AFF3: variants seen among roughly 807,000 people sequenced by gnomAD.
AFF3 encodes the protein ALF transcription elongation factor 3.
Under a neutral mutation model 129.7 loss-of-function variants are expected in AFF3, and 32 were observed. The ratio of observed to expected loss-of-function variants is 0.25; its 90% CI spans 0.19 to 0.33. The LOEUF (loss-of-function observed/expected upper bound fraction) is 0.33, where lower values mean the gene tolerates loss of function less well. Ranked by LOEUF, AFF3 falls within the 10% of genes least tolerant of loss-of-function variation. The pLI, the probability that AFF3 is intolerant of heterozygous loss-of-function variation, is 1.00. For synonymous variants in AFF3, 644 were observed against 635.4 expected (o/e 1.01, Z -0.20); for missense variants, 1,373 against 1,592.0 (o/e 0.86, Z 2.34).
chr2:99,851,522 T>G (rs957358411), intron 7 of AFF3, among the ~76,000 whole-genome samples: 4 of 152,230 alleles, frequency 2.6e-5, no homozygotes, highest in African/African-American at 9.6e-5. Context: ...TGTTTGAGGC[T>G]TCTCATGGGC....
chr2:100,055,462 T>TAAAAA (rs55713850), intron 4 of AFF3, among the ~76,000 whole-genome samples: 2 of 128,494 alleles, frequency 1.6e-5, no homozygotes, highest in Non-Finnish European at 1.6e-5. Flanking sequence ...CTAGAAATCT[T>TAAAAA]AAAAAAAAAA....
rs186639287 is a variant in AFF3, at chr2:99,992,552, G to A, written c.873+14080C>T. Reference sequence around the variant, plus strand: ...ATTATCGAACCAGAATAAGATAATAGGGAGCCTTTCTGTCTTTATCAAAAA... The same window carrying A: ...ATTATCGAACCAGAATAAGATAATAAGGAGCCTTTCTGTCTTTATCAAAAA... On this transcript the variant is annotated intron_variant, in intron 7 of 24. Transcript: ENST00000672756. Among the ~76,000 whole-genome samples the A allele has an allele frequency of 1.9e-3, 292 of 152,298 alleles. 4 individuals carry two copies. Among genetic ancestry groups the A allele is most frequent in the African/African-American group, 6.8e-3 (282 of 41,570 alleles).
chr2:99,690,275 G>C (rs1439818604), intron 11 of AFF3, among the ~76,000 whole-genome samples: 3 of 149,732 alleles, frequency 2.0e-5, no homozygotes, highest in Non-Finnish European at 4.4e-5. Context: ...CCGCCTCCCG[G>C]GTTCACGCCA....
chr2:99,644,747 C>T (rs909866660), intron 13 of AFF3, among the ~76,000 whole-genome samples: 3 of 152,208 alleles, frequency 2.0e-5, no homozygotes, highest in Admixed American at 6.5e-5. Context: ...GGAAGTTAAT[C>T]GTATTCAAGG....
At chr2:99,759,678 C>A (rs1250898847) in intron 8 of AFF3, among the ~76,000 whole-genome samples, 1 of 152,134 alleles carries the variant, frequency 6.6e-6, no homozygotes, top group Non-Finnish European at 1.5e-5. Flanking sequence ...TTTCCAAAAC[C>A]TAAGAATTAT....
At chr2:100,079,903 T>C (rs1181477684) in intron 4 of AFF3, among the ~76,000 whole-genome samples, 1 of 152,204 alleles carries the variant, frequency 6.6e-6, no homozygotes, top group Non-Finnish European at 1.5e-5. Context: ...GTTCCTCAAG[T>C]GCCTGGCCAT....
chr2:100,038,816 G>A (rs912856297), intron 4 of AFF3, among the ~76,000 whole-genome samples: 10 of 151,460 alleles, frequency 6.6e-5, no homozygotes, highest in Non-Finnish European at 8.8e-5. Flanking sequence ...CTCCGCCACC[G>A]GGTTCAAGCG....
chr2:99,733,923 T>A (rs187669094), intron 10 of AFF3, among the ~76,000 whole-genome samples: 3 of 152,340 alleles, frequency 2.0e-5, no homozygotes. Context: ...TGATCTATTG[T>A]ATAAATTTGA....
intron 7 of AFF3, among the ~76,000 whole-genome samples, chr2:99,973,480 C>G (rs754002428): frequency 2.6e-5 from 4 of 152,162 alleles, no homozygotes; most frequent in Non-Finnish European, 4.4e-5. Context: ...CCCATAGATT[C>G]AGATTACCCC....
At chr2:99,996,558 T>A (rs1559042211) in intron 7 of AFF3, among the ~76,000 whole-genome samples, 3 of 148,156 alleles carry the variant, frequency 2.0e-5, no homozygotes, top group Non-Finnish European at 4.5e-5. Context: ...TTTTTTGTAT[T>A]TTTAGTAGAG....
At chr2:99,597,640 T>C (rs2105030681) in intron 14 of AFF3, among the ~76,000 whole-genome samples, 2 of 152,346 alleles carry the variant, frequency 1.3e-5, no homozygotes, top group African/African-American at 4.8e-5. Context: ...TTATCTGCCA[T>C]TCTGGAAATG....
At chr2:99,707,669 TTGGTATTTAGA>T in intron 11 of AFF3, 2 of 985,048 alleles carry the variant, frequency 2.0e-6, no homozygotes, top group South Asian at 9.4e-5. Flanking sequence ...TGGAAGAGCT[TTGGTATTTAGA>T]TGTTAATAGG....
chr2:99,563,101 G>A (rs1383917942), intron 20 of AFF3, among the ~76,000 whole-genome samples: 2 of 152,088 alleles, frequency 1.3e-5, no homozygotes, highest in Non-Finnish European at 2.9e-5. Context: ...AGAACCCCTT[G>A]CCAGCGCTCC....
At chr2:99,837,592 G>A in intron 7 of AFF3, 68 bp from the exon 8 acceptor site, 1 of 1,456,416 alleles carries the variant, frequency 6.9e-7, no homozygotes, top group East Asian at 2.3e-5. Context: ...GACATGCAAG[G>A]TTCCAAATTA....
chr2:99,975,882 A>G (rs1678841406), intron 7 of AFF3, among the ~76,000 whole-genome samples: 1 of 149,408 alleles, frequency 6.7e-6, no homozygotes, highest in Non-Finnish European at 1.5e-5. Context: ...AAAAAAAAAA[A>G]GAAAAAAGAA....
chr2:100,105,273 C>A, intron 3 of AFF3: 1 of 1,172,280 alleles, frequency 8.5e-7, no homozygotes, highest in South Asian at 1.6e-5. Context: ...CGGGGGAATT[C>A]CCCGGCCGCC....
chr2:99,971,786 C>T (rs550372165), intron 7 of AFF3, among the ~76,000 whole-genome samples: 2 of 152,126 alleles, frequency 1.3e-5, no homozygotes, highest in African/African-American at 4.8e-5. Flanking sequence ...AAAAAATGAG[C>T]GACAAGAGTC....
At chr2:100,055,353 T>A (rs544607507) in intron 4 of AFF3, among the ~76,000 whole-genome samples, 1 of 150,710 alleles carries the variant, frequency 6.6e-6, no homozygotes, top group Non-Finnish European at 1.5e-5. Flanking sequence ...TTAACCCTCA[T>A]AGGAAACAGG....
intron 7 of AFF3, among the ~76,000 whole-genome samples, chr2:99,920,065 T>C (rs755438899): frequency 1.3e-5 from 2 of 152,058 alleles, no homozygotes; most frequent in African/African-American, 2.4e-5. Flanking sequence ...AGAAATTGAA[T>C]TTGAAATTAA....
Sources: gnomAD v4.1 joint callset for allele counts (sites outside exome capture counted in the v4.1 genomes callset) on GRCh38, gnomAD v4.1.1 for gene constraint, MANE v1.5 for transcripts, NCBI Gene and HGNC (gene_info 2026-07-23, HGNC 2026-07-21) for gene names.